PIK3R5: variants seen among roughly 807,000 people sequenced by gnomAD.
The protein encoded by PIK3R5 is phosphoinositide-3-kinase regulatory subunit 5, also known as phosphoinositide 3-kinase regulatory subunit 5.
In PIK3R5, 32 loss-of-function variants were observed where a neutral mutation model predicts 94.9. The observed-to-expected ratio is 0.34, with a 90% CI of 0.25 to 0.45. The LOEUF (loss-of-function observed/expected upper bound fraction) is 0.45, where lower values mean the gene tolerates loss of function less well. Ranked by LOEUF, PIK3R5 falls within the 20% of genes least tolerant of loss-of-function variation. The pLI is 1.00. For missense variants in PIK3R5, 853 were observed against 1,144.6 expected, an observed-to-expected ratio of 0.75 and a Z score of 3.68; for synonymous variants, 443 against 479.4, an observed-to-expected ratio of 0.92 and a Z score of 0.99.
In PIK3R5 at chr17:8,904,708, T is replaced by A; in HGVS notation, c.412+69A>T. 1 of 1,529,104 alleles carries A rather than the reference T, an allele frequency of 6.5e-7. No homozygotes were observed. The highest frequency in any genetic ancestry group is 9.0e-7 in the Non-Finnish European group (1 of 1,114,360). The allele number at this position is 1,529,104 out of a possible 1,614,324, so 94.7% of individuals were successfully genotyped here. The stretch of plus-strand genomic sequence containing the variant: ...AGGTAAGGAGGGTCACAAAAAACAG[T>A]TTCAGAGGAGTTGGAAGCATTCTGA... On this transcript the variant is annotated intron_variant, in intron 5 of 18. Coordinates refer to ENST00000447110, the MANE Select transcript of PIK3R5 (RefSeq NM_001142633.3). This position sits in a 1 kb window ranked among gnomAD's most constrained non-coding sequence, Gnocchi z 5.1.
Position 8,925,049 on chromosome 17 carries a change from A to AGATAGATAGTAGATGGATAGATG in PIK3R5, c.-13-13565_-13-13543dup, listed in dbSNP as rs2151433658. Among the ~76,000 whole-genome samples, 1 of 152,318 alleles carries AGATAGATAGTAGATGGATAGATG rather than the reference A, an allele frequency of 6.6e-6. No homozygotes were observed. Among genetic ancestry groups the AGATAGATAGTAGATGGATAGATG allele is most frequent in the African/African-American group, 2.4e-5 (1 of 41,574 alleles). On this transcript the variant is annotated intron_variant, in intron 1 of 18. Transcript: ENST00000447110. This position sits in a 1 kb window ranked among gnomAD's most constrained non-coding sequence, Gnocchi z 5.1. ...ATAGATAGATAGTAGATGAATAGAT[A>AGATAGATAGTAGATGGATAGATG]GATAGATAGTAGATGGATAGATGGA...
chr17:8,881,511 G>A lies in PIK3R5; in HGVS notation c.2382+119C>T, dbSNP rs1016143353. On this transcript the variant is annotated intron_variant, in intron 17 of 18. Transcript: ENST00000447110. The surrounding 1 kb of genome is among the most constrained non-coding windows in gnomAD (Gnocchi z 4.8). ...CACACACACACAAGTATGTACACAC[G>A]GGTGTGTATGTGCACACATGCACAC... 5.0e-5 allele frequency: 39 copies of A among 782,688 alleles called. No individual in the cohort carries two copies. The highest frequency in any genetic ancestry group is 2.2e-4 in the African/African-American group (13 of 58,360). 48.5% of individuals were successfully genotyped at this position (782,688 alleles called of 1,614,324 possible).
chr17:8,888,724 G>A lies in PIK3R5; in HGVS notation c.1063C>T (p.His355Tyr). ...SLLSTSSLASHDSTLSLASSQ... is the reference protein window; with the variant it reads ...SLLSTSSLASYDSTLSLASSQ... ...GATGCAAGGGACAAGGTGGAGTCAT[G>A]GGACGCCAAAGAGCTGGTGGAGAGC... The change falls in exon 10 of 19, where the codon CAT becomes TAT. Residue 355 changes from histidine to tyrosine, a missense_variant. His to Tyr is a moderately conservative substitution (Grantham distance 83). This residue lies in a region of PIK3R5 where 319 missense variants were observed against 339.8 expected (regional missense o/e 0.94). Transcript: ENST00000447110. The surrounding 1 kb of genome is among the most constrained non-coding windows in gnomAD (Gnocchi z 7.8). 1 of 1,613,820 alleles carries A rather than the reference G, an allele frequency of 6.2e-7. No homozygotes were observed. The highest frequency in any genetic ancestry group is 1.1e-5 in the South Asian group (1 of 91,088).
intron 1 of PIK3R5, among the ~76,000 whole-genome samples, chr17:8,918,030 G>A (rs1258284004): frequency 6.6e-6 from 1 of 152,178 alleles, no homozygotes; most frequent in Non-Finnish European, 1.5e-5. Flanking sequence ...AGACTTGAAA[G>A]AATCAGTATG....
In PIK3R5 at chr17:8,956,962, T is replaced by C. The variant is rs191346095; in HGVS notation, c.-14+8634A>G. 7.2e-5 allele frequency among the ~76,000 whole-genome samples: 11 copies of C among 152,346 alleles called. No individual in the cohort carries two copies. The East Asian group carries it at 1.9e-3, about 27-fold the overall frequency. ...GAGGATCCCAGTATCCATGAATGGCTATGGTTTTCTCACAGCCAAGGTGCT... is the reference window on the plus strand; with the variant it reads ...GAGGATCCCAGTATCCATGAATGGCCATGGTTTTCTCACAGCCAAGGTGCT... On this transcript the variant is annotated intron_variant, in intron 1 of 18. Coordinates refer to ENST00000447110, the MANE Select transcript of PIK3R5 (RefSeq NM_001142633.3).
rs574302179 is a variant in PIK3R5, at chr17:8,888,112, C to T, written c.1616+59G>A. ...GCCCTAAGCCTCAGGCCCCAGATTC[C>T]ACCAGCACAACAACCCTGTTACCCA... On this transcript the variant is annotated intron_variant, in intron 10 of 18. Transcript: ENST00000447110. The surrounding 1 kb of genome is among the most constrained non-coding windows in gnomAD (Gnocchi z 7.8). The T allele has an allele frequency of 1.3e-6, 2 of 1,560,520 alleles. No homozygotes were observed. The highest frequency in any genetic ancestry group is 4.5e-5 in the East Asian group (2 of 44,374).
At chr17:8,933,750 C>T (rs1005340759) in intron 1 of PIK3R5, among the ~76,000 whole-genome samples, 2 of 152,020 alleles carry the variant, frequency 1.3e-5, no homozygotes, top group Admixed American at 1.3e-4. Flanking sequence ...GGGACTTACC[C>T]ACTTGGAATG....
intron 1 of PIK3R5, among the ~76,000 whole-genome samples, chr17:8,947,912 G>A (rs1031040430): frequency 2.0e-4 from 30 of 151,734 alleles, no homozygotes; most frequent in African/African-American, 4.8e-4. Context: ...GTGTGGTGGC[G>A]GGCGCCTGTA....
intron 1 of PIK3R5, among the ~76,000 whole-genome samples, chr17:8,926,415 C>T (rs551966721): frequency 5.3e-5 from 8 of 152,182 alleles, no homozygotes; most frequent in Non-Finnish European, 1.2e-4. Flanking sequence ...AAAAACTACC[C>T]GTATTAGTCC....
chr17:8,941,801 C>T (rs945437517), intron 1 of PIK3R5, among the ~76,000 whole-genome samples: 6 of 152,254 alleles, frequency 3.9e-5, no homozygotes, highest in Non-Finnish European at 8.8e-5. Flanking sequence ...CTGTCACCAC[C>T]TGTCAGCCAG....
At chr17:8,921,883 T>C (rs1365305915) in intron 1 of PIK3R5, among the ~76,000 whole-genome samples, 2 of 152,026 alleles carry the variant, frequency 1.3e-5, no homozygotes, top group Admixed American at 6.5e-5. Flanking sequence ...ATTTCTTGGA[T>C]ATAACACAAA....
Position 8,888,348 on chromosome 17 carries a change from G to A in PIK3R5, c.1439C>T (p.Pro480Leu). The A allele has an allele frequency of 6.2e-7, 1 of 1,611,868 alleles. No individual in the cohort carries two copies. Among genetic ancestry groups the A allele is most frequent in the Non-Finnish European group, 8.5e-7 (1 of 1,179,498 alleles). The change falls in exon 10 of 19, where the codon CCC becomes CTC. Residue 480 changes from proline (P) to leucine (L), a missense_variant. By Grantham distance (98) the Pro-to-Leu change is moderately conservative. Transcript: ENST00000447110. This position sits in a 1 kb window ranked among gnomAD's most constrained non-coding sequence, Gnocchi z 7.8. The part of the protein sequence containing the change: ...PSRAQRSRSL[P>L]QPKLGTQLPS... ...CAGCTGGGTACCGAGTTTGGGCTGG[G>A]GCAGGGAGCGGGAGCGCTGGGCCCG...
In PIK3R5 at chr17:8,893,889, C is replaced by T. The variant is rs1378940571; in HGVS notation, c.413-234G>A. The T allele has an allele frequency of 4.9e-6, 2 of 404,716 alleles. No homozygotes were observed. Among genetic ancestry groups the T allele is most frequent in the Non-Finnish European group, 9.1e-6 (2 of 220,150 alleles). 25.1% of individuals were successfully genotyped at this position (404,716 alleles called of 1,614,324 possible). ...CACCTCCACCTCCAACACCAAAACT[C>T]GGTCCTGGGCCTCGCTGTCCTCTGG... On this transcript the variant is annotated intron_variant, in intron 5 of 18. Coordinates refer to ENST00000447110, the MANE Select transcript of PIK3R5 (RefSeq NM_001142633.3). This position sits in a 1 kb window ranked among gnomAD's most constrained non-coding sequence, Gnocchi z 5.1.
intron 5 of PIK3R5, among the ~76,000 whole-genome samples, chr17:8,903,570 T>G (rs1203089705): frequency 1.3e-5 from 2 of 151,502 alleles, no homozygotes; most frequent in African/African-American, 4.8e-5. Flanking sequence ...ATTTTGATTG[T>G]GGTTACGTTT....
At chr17:8,952,478 G>A (rs1488582745) in intron 1 of PIK3R5, among the ~76,000 whole-genome samples, 3 of 152,184 alleles carry the variant, frequency 2.0e-5, no homozygotes, top group Non-Finnish European at 4.4e-5. Flanking sequence ...CATGACTTCT[G>A]GAGCACAGGT....
chr17:8,952,783 G>A (rs575158385), intron 1 of PIK3R5, among the ~76,000 whole-genome samples: 45 of 152,204 alleles, frequency 3.0e-4, no homozygotes, highest in Non-Finnish European at 2.9e-4. Context: ...GCAGATCTTC[G>A]GAGTAACACA....
chr17:8,885,245 C>T (rs1469868594), intron 14 of PIK3R5, among the ~76,000 whole-genome samples: 1 of 151,202 alleles, frequency 6.6e-6, no homozygotes, highest in Non-Finnish European at 1.5e-5. Context: ...GTCCTGCCTC[C>T]CGGTAACCGT....
Position 8,889,898 on chromosome 17 carries a change from C to T in PIK3R5, c.811+75G>A. Reference sequence around the variant, plus strand: ...GTGTGGAGCAGAGCCACCAGGCCCGCCTGGACCGTGCACCTTGGGACCTAG... The same window carrying T: ...GTGTGGAGCAGAGCCACCAGGCCCGTCTGGACCGTGCACCTTGGGACCTAG... On this transcript the variant is annotated intron_variant, in intron 8 of 18. Coordinates refer to ENST00000447110, the MANE Select transcript of PIK3R5 (RefSeq NM_001142633.3). The surrounding 1 kb of genome is among the most constrained non-coding windows in gnomAD (Gnocchi z 4.1). 1 of 1,541,370 alleles carries T rather than the reference C, an allele frequency of 6.5e-7. No homozygotes were observed. Among genetic ancestry groups the T allele is most frequent in the Non-Finnish European group, 8.9e-7 (1 of 1,120,254 alleles).
At chr17:8,944,687 G>A (rs60777060) in intron 1 of PIK3R5, among the ~76,000 whole-genome samples, 4,780 of 152,210 alleles carry the variant, frequency 0.031, 240 homozygotes, top group African/African-American at 0.11. Flanking sequence ...CTGTCTTCAG[G>A]CTTCAAAGGC....
Sources: allele counts gnomAD v4.1 joint callset (sites outside exome capture counted in the v4.1 genomes callset), GRCh38; gene constraint gnomAD v4.1.1; regional missense constraint gnomAD v4.1.1; non-coding constraint Gnocchi (gnomAD v3.1); transcripts MANE v1.5; gene names NCBI Gene and HGNC (gene_info 2026-07-23, HGNC 2026-07-21).